The following DTL variants were observed in gnomAD, a reference collection of about 807,000 sequenced individuals.
DTL encodes denticleless protein homolog.
Under a neutral mutation model 87.0 loss-of-function variants are expected in DTL, and 46 were observed. The ratio of observed to expected loss-of-function variants is 0.53; its 90% confidence interval spans 0.42 to 0.68. The LOEUF (loss-of-function observed/expected upper bound fraction) is 0.68. DTL is among the 30% of genes least tolerant of loss of function. The pLI, the probability that DTL is intolerant of heterozygous loss-of-function variation, is 0.00. For missense variants in DTL, 737 were observed against 869.4 expected (o/e 0.85, Z 1.91); for synonymous variants, 308 against 311.2 (o/e 0.99, Z 0.11).
At chr1:212,041,610 AT>A (rs1667645810) in intron 1 of DTL, among the ~76,000 whole-genome samples, 1 of 151,630 alleles carries the variant, frequency 6.6e-6, no homozygotes, top group Non-Finnish European at 1.5e-5. Context: ...GGTTCACTCT[AT>A]TCTCCTGCCT....
rs1215576332 is a variant in DTL at position 212,068,284 on chromosome 1, A to G, written c.774A>G (p.Ala258=). 2 of 1,612,902 alleles carry G rather than the reference A, an allele frequency of 1.2e-6. No homozygotes were observed. Among genetic ancestry groups the G allele is most frequent in the South Asian group, 1.1e-5 (1 of 90,806 alleles). The stretch of plus-strand genomic sequence containing the variant: ...CTGCTTATCGACAAGAACCCATAGC[A>G]TCCAAGTCTTTCCTGTACCCAGGTA... ...NYTAYRQEPI[A]SKSFLYPGSS... Residue 258 remains alanine, a synonymous_variant, in exon 9 of 15, where the codon GCA becomes GCG. Coordinates refer to ENST00000366991, the MANE Select transcript of DTL (RefSeq NM_016448.4).
chr1:212,051,442 CTTTTTTTTTTTTTTTT>C (rs958429363), intron 5 of DTL: 75 of 197,178 alleles, frequency 3.8e-4, no homozygotes, highest in African/African-American at 3.2e-3. Context: ...ATATGAAATT[CTTTTTTTTTTTTTTTT>C]TTTTTTTTTT....
At chr1:212,043,682 C>T (rs913326952) in intron 2 of DTL, among the ~76,000 whole-genome samples, 14 of 151,822 alleles carry the variant, frequency 9.2e-5, no homozygotes, top group African/African-American at 3.1e-4. Flanking sequence ...TGCAAAAAAT[C>T]AGCTGGGCGT....
intron 5 of DTL, among the ~76,000 whole-genome samples, chr1:212,059,102 A>G (rs1223544359): frequency 1.3e-5 from 2 of 152,188 alleles, no homozygotes; most frequent in Non-Finnish European, 2.9e-5. Context: ...CCAAACTTTT[A>G]AAGAACTAAC....
chr1:212,050,194 G>A (rs933783753), intron 5 of DTL, among the ~76,000 whole-genome samples: 9 of 151,928 alleles, frequency 5.9e-5, no homozygotes, highest in Admixed American at 6.6e-5. Context: ...TAAATCAATC[G>A]ATCTATCTAT....
rs376744816 is a variant in DTL at position 212,100,325 on chromosome 1, G to A, written c.1335G>A (p.Pro445=). Reference sequence around the variant, plus strand: ...AGTGCAATCCATCCAATTCTTCCCCGTCATCCGCAGCTTGTGCCCCAAGCT... The same window carrying A: ...AGTGCAATCCATCCAATTCTTCCCCATCATCCGCAGCTTGTGCCCCAAGCT... ...RAKCNPSNSS[P]SSAACAPSCA... The change falls in exon 14 of 15, where the codon CCG becomes CCA. Residue 445 remains proline (P), a synonymous_variant. Transcript: ENST00000366991. The A allele has an allele frequency of 1.0e-4, 165 of 1,612,554 alleles. No homozygotes were observed. The highest frequency in any genetic ancestry group is 1.6e-4 in the Middle Eastern group (1 of 6,082).
intron 13 of DTL, among the ~76,000 whole-genome samples, chr1:212,085,181 A>G (rs924276124): frequency 8.5e-5 from 13 of 152,216 alleles, no homozygotes; most frequent in Admixed American, 2.6e-4. Context: ...AACCCAGTAT[A>G]CAGAACTCAA....
At chr1:212,068,563 C>A (rs745951601) in intron 9 of DTL, 36 bp from the exon 10 acceptor site, 5 of 1,315,632 alleles carry the variant, frequency 3.8e-6, no homozygotes, top group Non-Finnish European at 4.4e-6. Context: ...TACTCACCAT[C>A]ATCAGGACGT....
rs978191417 is a variant in DTL, at chr1:212,068,715, G to A, written c.922+12G>A. The A allele has an allele frequency of 1.2e-5, 19 of 1,525,006 alleles. No homozygotes were observed. Among genetic ancestry groups the A allele is most frequent in the Non-Finnish European group, 1.7e-5 (19 of 1,105,614 alleles). 94.5% of individuals were successfully genotyped at this position (1,525,006 alleles called of 1,614,324 possible). On this transcript the variant is annotated intron_variant, in intron 10 of 14. Transcript: ENST00000366991. ...GAAGACTTCTCCAGGTAAGATATTAGTCATTCAAATTCTCTTACCAGGAAA... is the reference window on the plus strand; with the variant it reads ...GAAGACTTCTCCAGGTAAGATATTAATCATTCAAATTCTCTTACCAGGAAA...
intron 5 of DTL, among the ~76,000 whole-genome samples, chr1:212,057,228 T>C (rs1243889279): frequency 2.6e-5 from 4 of 151,364 alleles, no homozygotes; most frequent in Non-Finnish European, 4.4e-5. Flanking sequence ...AAAGACAAAG[T>C]GAAAATTCTA....
chr1:212,061,188 C>A (rs1654291553), intron 5 of DTL, among the ~76,000 whole-genome samples: 1 of 151,578 alleles, frequency 6.6e-6, no homozygotes, highest in Non-Finnish European at 1.5e-5. Context: ...GATCACTGAG[C>A]CCTGAGCGGT....
chr1:212,047,623 C>T (rs1667846068), intron 5 of DTL, among the ~76,000 whole-genome samples: 2 of 152,214 alleles, frequency 1.3e-5, no homozygotes, highest in South Asian at 2.1e-4. Context: ...ACCTCCGCTG[C>T]CTCCCAGGTT....
chr1:212,102,773 G>A (rs1655661418), intron 14 of DTL, 69 bp from the exon 15 acceptor site: 4 of 1,079,360 alleles, frequency 3.7e-6, no homozygotes, highest in Non-Finnish European at 2.8e-6. Flanking sequence ...TTTAAGGTAT[G>A]CCTTAGTAAT....
intron 5 of DTL, among the ~76,000 whole-genome samples, chr1:212,051,367 C>T (rs1053618386): frequency 5.1e-5 from 7 of 136,364 alleles, no homozygotes; most frequent in Admixed American, 1.6e-4. Context: ...AATAATTTAC[C>T]TTAGTTTTTC....
chr1:212,100,324 C>T lies in DTL; in HGVS notation c.1334C>T (p.Pro445Leu), dbSNP rs557946653. ...RAKCNPSNSS[P>L]SSAACAPSCA... is the part of the protein sequence containing the mutation. Reference sequence around the variant, plus strand: ...AAGTGCAATCCATCCAATTCTTCCCCGTCATCCGCAGCTTGTGCCCCAAGC... The same window carrying T: ...AAGTGCAATCCATCCAATTCTTCCCTGTCATCCGCAGCTTGTGCCCCAAGC... The change falls in exon 14 of 15, where the codon CCG becomes CTG. Residue 445 changes from proline to leucine, a missense_variant. Pro to Leu is a moderately conservative substitution (Grantham distance 98, BLOSUM62 -3). Transcript: ENST00000366991. 1.6e-5 allele frequency: 26 copies of T among 1,612,578 alleles called. 1 individual carries two copies. The highest frequency in any genetic ancestry group is 4.5e-5 in the East Asian group (2 of 44,864).
At chr1:212,054,050 T>G (rs2102538544) in intron 5 of DTL, among the ~76,000 whole-genome samples, 1 of 152,312 alleles carries the variant, frequency 6.6e-6, no homozygotes, top group Admixed American at 6.5e-5. Flanking sequence ...TAACAGGCAA[T>G]TCACTTGTTT....
chr1:212,075,016 T>C (rs544602034), intron 11 of DTL, among the ~76,000 whole-genome samples: 2 of 152,298 alleles, frequency 1.3e-5, no homozygotes, highest in East Asian at 1.9e-4. Flanking sequence ...GTTTCTGATA[T>C]AGCCACTGAA....
At chr1:212,083,625 A>G (rs1383249553) in intron 13 of DTL, among the ~76,000 whole-genome samples, 1 of 152,200 alleles carries the variant, frequency 6.6e-6, no homozygotes, top group East Asian at 1.9e-4. Flanking sequence ...AGATTATAGA[A>G]GAAGGAGGTC....
intron 11 of DTL, among the ~76,000 whole-genome samples, chr1:212,075,342 G>A (rs1026013281): frequency 2.0e-5 from 3 of 152,154 alleles, no homozygotes; most frequent in Non-Finnish European, 2.9e-5. Context: ...TTTACAAAAA[G>A]TAGAATATGT....
Sources: allele counts gnomAD v4.1 joint callset (sites outside exome capture counted in the v4.1 genomes callset), GRCh38; gene constraint gnomAD v4.1.1; transcripts MANE v1.5; gene names NCBI Gene and HGNC (gene_info 2026-07-23, HGNC 2026-07-21).